ZGRF1: variants seen among roughly 807,000 people sequenced by gnomAD.
ZGRF1 encodes the protein zinc finger GRF-type containing 1, also known as 5'-3' DNA helicase ZGRF1.
A neutral mutation model predicts 203.5 loss-of-function variants in ZGRF1; 196 were observed. The ratio of observed to expected loss-of-function variants is 0.96; its 90% CI spans 0.86 to 1.08. The LOEUF (loss-of-function observed/expected upper bound fraction) is 1.08, where lower values mean the gene tolerates loss of function less well. Among genes scored for constraint, ZGRF1 ranks in the 50% least tolerant of loss-of-function variants. The probability of loss-of-function intolerance (pLI) is 0.00; values close to 1 mark genes in which losing one functional copy is unlikely to be tolerated. For missense variants in ZGRF1, 2,326 were observed against 2,416.3 expected (o/e 0.96, Z 0.78); for synonymous variants, 809 against 841.3 (o/e 0.96, Z 0.66).
Position 112,631,964 on chromosome 4 carries a change from T to C in ZGRF1, c.68A>G (p.Asp23Gly). ...QKMKKSKVWQDGILKITHLGN... is the reference protein window; with the variant it reads ...QKMKKSKVWQGGILKITHLGN... ...TAAGTGAGTGATCTTCAGAATTCCATCTTGCCACACTTTTGACTTCTTCAT... is the reference window on the plus strand; with the variant it reads ...TAAGTGAGTGATCTTCAGAATTCCACCTTGCCACACTTTTGACTTCTTCAT... The change falls in exon 3 of 28, where the codon GAT becomes GGT. Residue 23 changes from aspartate to glycine, a missense_variant. Asp to Gly is a moderately conservative substitution (Grantham distance 94, BLOSUM62 -1). Transcript: ENST00000505019. 1 of 1,599,288 alleles carries C rather than the reference T, an allele frequency of 6.3e-7. No individual in the cohort carries two copies. The highest frequency in any genetic ancestry group is 1.1e-5 in the South Asian group (1 of 86,968).
intron 3 of ZGRF1, among the ~76,000 whole-genome samples, chr4:112,631,402 G>T (rs1283708444): frequency 6.6e-6 from 1 of 152,074 alleles, no homozygotes; most frequent in African/African-American, 2.4e-5. Flanking sequence ...GGGGGCAGTG[G>T]CTCACTCCTG....
At chr4:112,610,299 G>A (rs941713434) in intron 7 of ZGRF1, among the ~76,000 whole-genome samples, 8 of 152,000 alleles carry the variant, frequency 5.3e-5, no homozygotes, top group African/African-American at 1.9e-4. Context: ...GGCCAAGCAC[G>A]GAGGCTCATG....
intron 13 of ZGRF1, among the ~76,000 whole-genome samples, chr4:112,586,171 G>A (rs557483555): frequency 1.3e-5 from 2 of 151,596 alleles, no homozygotes; most frequent in East Asian, 3.9e-4. Context: ...AACCTGGAAG[G>A]CAAGGTTACA....
At chr4:112,634,784 C>A (rs568928911) in intron 1 of ZGRF1, among the ~76,000 whole-genome samples, 1 of 152,218 alleles carries the variant, frequency 6.6e-6, no homozygotes, top group East Asian at 1.9e-4. Context: ...ATACTTGCTT[C>A]GTGACACAGG....
chr4:112,588,386 C>T (rs1042792136), intron 11 of ZGRF1, among the ~76,000 whole-genome samples: 3 of 152,074 alleles, frequency 2.0e-5, no homozygotes, highest in Non-Finnish European at 4.4e-5. Flanking sequence ...GAGACGGAAG[C>T]TCATGGTTCA....
At position 112,618,132 on chromosome 4, in the gene ZGRF1, TC is replaced by T; in HGVS notation, c.1909del (p.Glu637SerfsTer6). 6.2e-7 allele frequency: 1 copy of T among 1,613,904 alleles called. No homozygotes were observed. Among genetic ancestry groups the T allele is most frequent in the Non-Finnish European group, 8.5e-7 (1 of 1,179,866 alleles). On this transcript the variant is annotated frameshift_variant, in exon 6 of 28. Transcript: ENST00000505019. LOFTEE classifies it high-confidence loss of function. Reference protein sequence around the residue: ...KTENTGKEIEEYSDTLSNFES... With the variant: ...KTENTGKEIEXYSDTLSNFES... ...AAAATTGCTTAATGTGTCACTATAC[TC>T]CTCTATTTCTTTTCCTGTGTTTTCA...
Position 112,541,234 on chromosome 4 carries a change from CG to C in ZGRF1, c.5632del (p.Arg1878ValfsTer20). 1 of 1,605,580 alleles carries C rather than the reference CG, an allele frequency of 6.2e-7. No homozygotes were observed. Among genetic ancestry groups the C allele is most frequent in the South Asian group, 1.1e-5 (1 of 89,484 alleles). ...AATAGCACTGATTGCAGGATGACAA[CG>C]GTATTGAGTTCTCAATAGAATTGGC... ...HKPILLRTQY[R>X]CHPAISAIAN... On this transcript the variant is annotated frameshift_variant, in exon 25 of 28. Coordinates refer to ENST00000505019, the MANE Select transcript of ZGRF1 (RefSeq NM_018392.5). LOFTEE classifies it high-confidence loss of function.
rs145241869 is a variant in ZGRF1 at position 112,631,907 on chromosome 4, A to G, written c.102+23T>C. The G allele has an allele frequency of 7.5e-5, 108 of 1,432,392 alleles. No homozygotes were observed. The East Asian group carries it at 9.9e-4, about 13-fold the overall frequency. 88.7% of individuals were successfully genotyped at this position (1,432,392 alleles called of 1,614,324 possible). A position where few individuals can be genotyped will look rare whatever the true frequency, so the allele number is the denominator to read the frequency against. Reference sequence around the variant, plus strand: ...ATCGAGAACCTTGCTCTTGCACCCTATAGTCAACTGCTTTGTACTCACTTT... The same window carrying G: ...ATCGAGAACCTTGCTCTTGCACCCTGTAGTCAACTGCTTTGTACTCACTTT... On this transcript the variant is annotated intron_variant, in intron 3 of 27. Transcript: ENST00000505019.
chr4:112,596,258 A>G (rs1386064649), intron 10 of ZGRF1, among the ~76,000 whole-genome samples: 1 of 152,184 alleles, frequency 6.6e-6, no homozygotes, highest in African/African-American at 2.4e-5. Flanking sequence ...AATAGTATAG[A>G]CTTGGCAATA....
Position 112,618,154 on chromosome 4 carries a change from T to C in ZGRF1, c.1888A>G (p.Asn630Asp). The C allele has an allele frequency of 6.2e-7, 1 of 1,613,834 alleles. No individual in the cohort carries two copies. The change falls in exon 6 of 28, where the codon AAC (asparagine) becomes GAC (aspartate). Residue 630 changes from asparagine to aspartate, a missense_variant. Coordinates refer to ENST00000505019, the MANE Select transcript of ZGRF1 (RefSeq NM_018392.5). The part of the protein sequence containing the change: ...GFDMGICKTE[N>D]TGKEIEEYSD... Reference sequence around the variant, plus strand: ...TACTCCTCTATTTCTTTTCCTGTGTTTTCAGTTTTACATATTCCCATGTCA... The same window carrying C: ...TACTCCTCTATTTCTTTTCCTGTGTCTTCAGTTTTACATATTCCCATGTCA...
intron 7 of ZGRF1, among the ~76,000 whole-genome samples, chr4:112,609,808 A>G (rs966664972): frequency 4.9e-5 from 7 of 143,700 alleles, no homozygotes; most frequent in Non-Finnish European, 7.6e-5. Flanking sequence ...CAAAACGAAG[A>G]AAAAAAAAAA....
rs1408544325 is a variant in ZGRF1, at chr4:112,558,239, CTT to C, written c.5029_5030del (p.Lys1677GlufsTer2). 1 of 1,605,686 alleles carries C rather than the reference CTT, an allele frequency of 6.2e-7. No homozygotes were observed. Among genetic ancestry groups the C allele is most frequent in the Non-Finnish European group, 8.5e-7 (1 of 1,176,590 alleles). On this transcript the variant is annotated frameshift_variant, in exon 20 of 28. Coordinates refer to ENST00000505019, the MANE Select transcript of ZGRF1 (RefSeq NM_018392.5). LOFTEE classifies it high-confidence loss of function. ...CATTTCCAATGGTGGGAGCTTCACT[CTT>C]TTCAAACAGCTGTACAAAGAACAAA... ...VILFFVQLFE[K>X]SEAPTIGNAR...
chr4:112,585,391 T>C (rs1746990272), intron 14 of ZGRF1, 150 bp downstream of exon 14: 1 of 472,858 alleles, frequency 2.1e-6, no homozygotes, highest in African/African-American at 2.0e-5. Context: ...CAATAAAACT[T>C]TGAGAATTTA....
intron 7 of ZGRF1, chr4:112,610,882 G>A (rs953308719): frequency 8.8e-6 from 2 of 227,850 alleles, no homozygotes. Flanking sequence ...ATAATACAAC[G>A]ATATTAAGGG....
In ZGRF1 at chr4:112,548,966, T is replaced by G. The variant is rs1238759360; in HGVS notation, c.5347-586A>C. Among the ~76,000 whole-genome samples the G allele has an allele frequency of 6.5e-5, 5 of 76,600 alleles. 2 individuals carry two copies. Among genetic ancestry groups the G allele is most frequent in the Admixed American group, 3.6e-4 (2 of 5,566 alleles). 50.3% of individuals were successfully genotyped at this position (76,600 alleles called of 152,430 possible). A position where few individuals can be genotyped will look rare whatever the true frequency, so the allele number is the denominator to read the frequency against. On this transcript the variant is annotated intron_variant, in intron 22 of 27. Coordinates refer to ENST00000505019, the MANE Select transcript of ZGRF1 (RefSeq NM_018392.5). Reference sequence around the variant, plus strand: ...CGTCTCTACTAAAAATACAAAAAATTAGCCGGGCGTAGTGGCGGGCGCCTG... The same window carrying G: ...CGTCTCTACTAAAAATACAAAAAATGAGCCGGGCGTAGTGGCGGGCGCCTG...
chr4:112,566,591 T>C, intron 16 of ZGRF1, among the ~76,000 whole-genome samples: 1 of 152,082 alleles, frequency 6.6e-6, no homozygotes, highest in East Asian at 1.9e-4. Context: ...AAAAACACTT[T>C]TGAATTAAAA....
rs1016151579 is a variant in ZGRF1, at chr4:112,540,140, C to A, written c.5911-16G>T. On this transcript the variant is annotated splice_polypyrimidine_tract_variant and intron_variant, in intron 26 of 27. Coordinates refer to ENST00000505019, the MANE Select transcript of ZGRF1 (RefSeq NM_018392.5). Reference sequence around the variant, plus strand: ...AATGACAAAGCTGTGGAAGAAAAAACAGCAATCATGTAGTAAGAGATTGTG... The same window carrying A: ...AATGACAAAGCTGTGGAAGAAAAAAAAGCAATCATGTAGTAAGAGATTGTG... 20 of 1,518,866 alleles carry A rather than the reference C, an allele frequency of 1.3e-5. No homozygotes were observed. Among genetic ancestry groups the A allele is most frequent in the Non-Finnish European group, 1.8e-5 (20 of 1,128,832 alleles). The allele number at this position is 1,518,866 out of a possible 1,614,324, so 94.1% of individuals were successfully genotyped here.
At chr4:112,569,486 T>C (rs1300532018) in intron 16 of ZGRF1, among the ~76,000 whole-genome samples, 2 of 152,142 alleles carry the variant, frequency 1.3e-5, no homozygotes, top group Non-Finnish European at 2.9e-5. Context: ...GCCTACAGAC[T>C]CTACCTTGAG....
chr4:112,635,612 TTATATAA>T (rs938292631), intron 1 of ZGRF1, among the ~76,000 whole-genome samples: 15 of 148,726 alleles, frequency 1.0e-4, no homozygotes, highest in African/African-American at 3.2e-4. Context: ...TATTATGTAA[TTATATAA>T]TATATAACTA....
Sources: allele counts gnomAD v4.1 joint callset (sites outside exome capture counted in the v4.1 genomes callset), GRCh38; gene constraint gnomAD v4.1.1; transcripts MANE v1.5; gene names NCBI Gene and HGNC (gene_info 2026-07-23, HGNC 2026-07-21).